The following PTPRD variants were observed in gnomAD, a reference collection of about 807,000 sequenced individuals.
PTPRD encodes the protein receptor-type tyrosine-protein phosphatase delta.
PTPRD carries 34 observed loss-of-function variants against 214.5 expected under a neutral mutation model. The observed-to-expected ratio is 0.16, with a 90% confidence interval of 0.12 to 0.21. The LOEUF (loss-of-function observed/expected upper bound fraction) is 0.21, where lower values mean the gene tolerates loss of function less well. Ranked by LOEUF, PTPRD falls within the 10% of genes least tolerant of loss-of-function variation. The pLI, the probability that PTPRD is intolerant of heterozygous loss-of-function variation, is 1.00. For missense variants in PTPRD, 2,545 were observed against 2,398.7 expected (o/e 1.06, Z -1.27); for synonymous variants, 1,128 against 845.7 (o/e 1.33, Z -5.79).
At chr9:10,259,314 G>T (rs765987887) in intron 3 of PTPRD, among the ~76,000 whole-genome samples, 1 of 151,990 alleles carries the variant, frequency 6.6e-6, no homozygotes, top group East Asian at 1.9e-4. Context: ...GTGAGCCACC[G>T]CGCCCGGCCG....
At chr9:10,230,375 T>C (rs1185979729) in intron 3 of PTPRD, among the ~76,000 whole-genome samples, 1 of 151,998 alleles carries the variant, frequency 6.6e-6, no homozygotes, top group African/African-American at 2.4e-5. Context: ...CTTCTTAGTC[T>C]TTTCTTACCA....
At chr9:8,403,205 T>C (rs73420445) in intron 36 of PTPRD, among the ~76,000 whole-genome samples, 4,174 of 152,184 alleles carry the variant, frequency 0.027, 195 homozygotes, top group African/African-American at 0.096. Flanking sequence ...AATAAAGCGG[T>C]GGTCAGCAGA....
At chr9:9,702,371 T>A (rs2097523608) in intron 7 of PTPRD, among the ~76,000 whole-genome samples, 1 of 152,120 alleles carries the variant, frequency 6.6e-6, no homozygotes, top group Admixed American at 6.5e-5. Flanking sequence ...CAGTATAATA[T>A]CATGGAACCC....
chr9:10,381,913 C>G (rs774838683), intron 2 of PTPRD, among the ~76,000 whole-genome samples: 2 of 151,778 alleles, frequency 1.3e-5, no homozygotes, highest in Non-Finnish European at 2.9e-5. Context: ...ATATCTAAAC[C>G]CAAAGTTTAT....
rs1029722956 is a variant in PTPRD at position 10,438,756 on chromosome 9, G to C, written c.-599-97739C>G. On this transcript the variant is annotated intron_variant, in intron 2 of 45. Transcript: ENST00000381196. The stretch of plus-strand genomic sequence containing the variant: ...ACTTTTAAAATCTTTTTATTATAAA[G>C]CTCATTAATTCAGTCTCTCCTTATA... Among the ~76,000 whole-genome samples the C allele has an allele frequency of 2.0e-5, 3 of 151,708 alleles. No individual in the cohort carries two copies. The Admixed American group carries it at 2.0e-4, about 10-fold the overall frequency.
chr9:9,145,305 C>A (rs180744444), intron 10 of PTPRD, among the ~76,000 whole-genome samples: 2 of 152,174 alleles, frequency 1.3e-5, no homozygotes, highest in Non-Finnish European at 2.9e-5. Context: ...CTAGAAAGAT[C>A]AGTATTTCAT....
intron 10 of PTPRD, among the ~76,000 whole-genome samples, chr9:9,050,323 G>C (rs925966707): frequency 6.6e-6 from 1 of 152,152 alleles, no homozygotes; most frequent in African/African-American, 2.4e-5. Context: ...AGGCAGTAAA[G>C]TTCAGAAATG....
At chr9:8,488,440 T>C (rs1009867132) in intron 27 of PTPRD, among the ~76,000 whole-genome samples, 1 of 152,176 alleles carries the variant, frequency 6.6e-6, no homozygotes, top group African/African-American at 2.4e-5. Flanking sequence ...ATATAAAACA[T>C]GTGTGTTGTG....
intron 35 of PTPRD, among the ~76,000 whole-genome samples, chr9:8,420,250 C>T (rs2094261281): frequency 6.6e-6 from 1 of 152,076 alleles, no homozygotes; most frequent in Admixed American, 6.6e-5. Flanking sequence ...TAGCAAAGTA[C>T]CTGGCACATT....
chr9:8,697,479 G>C (rs1014938534), intron 12 of PTPRD, among the ~76,000 whole-genome samples: 1 of 135,504 alleles, frequency 7.4e-6, no homozygotes, highest in Non-Finnish European at 1.5e-5. Context: ...CTGGAGTGCA[G>C]TGGTGTGATC....
intron 7 of PTPRD, among the ~76,000 whole-genome samples, chr9:9,585,130 T>A (rs2091704324): frequency 6.7e-6 from 1 of 148,866 alleles, no homozygotes; most frequent in Non-Finnish European, 1.5e-5. Flanking sequence ...TTTTATGTTC[T>A]CATGATTACA....
rs576502918 is a variant in PTPRD, at chr9:8,371,791, T to A, written c.4661+4145A>T. 4.6e-5 allele frequency among the ~76,000 whole-genome samples: 7 copies of A among 152,126 alleles called. No homozygotes were observed. The South Asian group carries it at 1.5e-3, about 32-fold the overall frequency. On this transcript the variant is annotated intron_variant, in intron 39 of 45. Coordinates refer to ENST00000381196, the MANE Select transcript of PTPRD (RefSeq NM_002839.4). ...GATTATGCATCAAGGTTGAACACCA[T>A]CAGGTAGAGAAGGGGAATTGTTGAA... is the stretch of plus-strand genomic sequence containing the variant.
intron 11 of PTPRD, 80 bp from the exon 12 acceptor site, chr9:8,734,026 C>T (rs1433154387): frequency 3.3e-6 from 2 of 612,998 alleles, no homozygotes; most frequent in African/African-American, 1.8e-5. Flanking sequence ...CCCCTGGTTC[C>T]ATCACAATCA....
intron 9 of PTPRD, among the ~76,000 whole-genome samples, chr9:9,328,949 C>G (rs116159131): frequency 1.3e-5 from 2 of 151,792 alleles, no homozygotes; most frequent in Non-Finnish European, 2.9e-5. Flanking sequence ...TTTTGATCAC[C>G]TTGGTTAAAG....
At chr9:8,522,984 A>G (rs1253993720) in intron 19 of PTPRD, among the ~76,000 whole-genome samples, 1 of 152,134 alleles carries the variant, frequency 6.6e-6, no homozygotes, top group African/African-American at 2.4e-5. Context: ...CAATGGCCTC[A>G]TGGGTGAATG....
intron 8 of PTPRD, among the ~76,000 whole-genome samples, chr9:9,521,297 G>T (rs1362531513): frequency 6.6e-6 from 1 of 152,066 alleles, no homozygotes; most frequent in African/African-American, 2.4e-5. Flanking sequence ...TGCATTCCAG[G>T]ATGTTTCAGT....
At chr9:9,905,192 C>G (rs995866545) in intron 5 of PTPRD, among the ~76,000 whole-genome samples, 1 of 151,972 alleles carries the variant, frequency 6.6e-6, no homozygotes, top group East Asian at 1.9e-4. Flanking sequence ...ATTACACATA[C>G]GTATGTATGT....
intron 26 of PTPRD, among the ~76,000 whole-genome samples, chr9:8,494,204 A>C (rs1331454290): frequency 2.0e-5 from 3 of 152,144 alleles, no homozygotes; most frequent in Admixed American, 1.3e-4. Flanking sequence ...TTTTTTAGCA[A>C]GGCTGTAACA....
At chr9:8,426,528 T>A (rs1473991757) in intron 35 of PTPRD, among the ~76,000 whole-genome samples, 1 of 152,232 alleles carries the variant, frequency 6.6e-6, no homozygotes. Flanking sequence ...AGTTGTTTCC[T>A]GAGAGCCTTG....
Sources: allele counts gnomAD v4.1 joint callset (sites outside exome capture counted in the v4.1 genomes callset), GRCh38; gene constraint gnomAD v4.1.1; transcripts MANE v1.5; gene names NCBI Gene and HGNC (gene_info 2026-07-23, HGNC 2026-07-21).